The following ASB5 variants were observed in gnomAD, a reference collection of about 807,000 sequenced individuals.
ASB5 encodes the protein ankyrin repeat and SOCS box protein 5.
A neutral mutation model predicts 42.1 loss-of-function variants in ASB5; 45 were observed. That is an observed-to-expected ratio of 1.07 (90% CI 0.84 to 1.37). The LOEUF (loss-of-function observed/expected upper bound fraction) is 1.37. ASB5 is among the 40% of genes most tolerant of loss of function. The pLI, the probability that ASB5 is intolerant of heterozygous loss-of-function variation, is 0.00. For synonymous variants in ASB5, 147 were observed against 150.6 expected, an observed-to-expected ratio of 0.98 and a Z score of 0.18; for missense variants, 402 against 399.8, an observed-to-expected ratio of 1.01 and a Z score of -0.05.
At chr4:176,221,754 A>AAT (rs1753219688) in intron 3 of ASB5, among the ~76,000 whole-genome samples, 154 bp from the exon 4 acceptor site, 2 of 152,218 alleles carry the variant, frequency 1.3e-5, no homozygotes, top group African/African-American at 4.8e-5. Context: ...CTTATGCATT[A>AAT]ACAAGAAAAG....
In ASB5 at chr4:176,221,225, A is replaced by T. The variant is rs902594228; in HGVS notation, c.600T>A (p.His200Gln). ...WGIDVDQEIP[H>Q]LGTPLYVACM... ...AAGCTACATAGAGAGGAGTTCCCAA[A>T]TGAGGAATTTCTTGGTCAACATCTA... is the stretch of plus-strand genomic sequence containing the variant. Residue 200 changes from histidine (H) to glutamine (Q), a missense_variant, in exon 5 of 7, where the codon CAT (histidine) becomes CAA (glutamine). Coordinates refer to ENST00000296525, the MANE Select transcript of ASB5 (RefSeq NM_080874.4). 6.2e-7 allele frequency: 1 copy of T among 1,614,040 alleles called. No homozygotes were observed. The highest frequency in any genetic ancestry group is 1.3e-5 in the African/African-American group (1 of 74,926).
chr4:176,274,907 C>A (rs973505734), intron 2 of ASB5, among the ~76,000 whole-genome samples: 1 of 140,258 alleles, frequency 7.1e-6, no homozygotes, highest in Non-Finnish European at 1.5e-5. Flanking sequence ...TCCAGCATAG[C>A]AATTTTTTTT....
chr4:176,225,442 C>T, intron 1 of ASB5, 101 bp from the exon 2 acceptor site: 2 of 1,010,334 alleles, frequency 2.0e-6, no homozygotes, highest in Admixed American at 2.1e-5. Context: ...AAATTATTCA[C>T]ACTCAGTGTT....
At chr4:176,275,529 C>G (rs1320562058) in intron 2 of ASB5, among the ~76,000 whole-genome samples, 1 of 152,144 alleles carries the variant, frequency 6.6e-6, no homozygotes, top group Admixed American at 6.5e-5. Flanking sequence ...GTACATAGTT[C>G]ACCTTTCTCC....
chr4:176,224,436 C>T (rs1203684361), intron 2 of ASB5, among the ~76,000 whole-genome samples: 5 of 151,638 alleles, frequency 3.3e-5, no homozygotes, highest in African/African-American at 7.3e-5. Flanking sequence ...GGTTTCACCA[C>T]GTTGGCCAGG....
chr4:176,224,355 C>T (rs778745223), intron 2 of ASB5, among the ~76,000 whole-genome samples: 16 of 151,066 alleles, frequency 1.1e-4, no homozygotes, highest in Non-Finnish European at 2.1e-4. Context: ...CTGCCTCAGC[C>T]TCCCAAGTAG....
At chr4:176,257,011 G>A (rs1754169806) in intron 1 of ASB5, among the ~76,000 whole-genome samples, 1 of 152,206 alleles carries the variant, frequency 6.6e-6, no homozygotes, top group Non-Finnish European at 1.5e-5. Flanking sequence ...CCCTGAGCTA[G>A]CTGACTCAGT....
intron 1 of ASB5, among the ~76,000 whole-genome samples, chr4:176,260,050 G>C (rs1298039869): frequency 1.3e-5 from 2 of 152,202 alleles, no homozygotes; most frequent in African/African-American, 4.8e-5. Flanking sequence ...TTATCAGATG[G>C]TTAGGTTCTG....
At position 176,265,288 on chromosome 4, in the gene ASB5, C is replaced by T. The variant is rs184624072; in HGVS notation, c.196+3625G>A. On this transcript the variant is annotated intron_variant, in intron 1 of 6. Coordinates refer to ENST00000296525, the MANE Select transcript of ASB5 (RefSeq NM_080874.4). ...CCCATAAATCCATGCCTTGCTCATT[C>T]CTGGAGTCACCTCAAGCTCTGCCTC... Among the ~76,000 whole-genome samples, 293 of 152,268 alleles carry T rather than the reference C, an allele frequency of 1.9e-3. 3 individuals carry two copies. Among genetic ancestry groups the T allele is most frequent in the Non-Finnish European group, 1.4e-3 (96 of 68,016 alleles).
chr4:176,229,872 G>A (rs35106659), intron 1 of ASB5, among the ~76,000 whole-genome samples: 12,568 of 152,212 alleles, frequency 0.083, 559 homozygotes, highest in Middle Eastern at 0.12. Context: ...AGCTCTGCTC[G>A]CCTGCAAAGG....
intron 1 of ASB5, among the ~76,000 whole-genome samples, chr4:176,232,130 T>TATATA (rs1753564388): frequency 9.3e-6 from 1 of 107,946 alleles, no homozygotes; most frequent in African/African-American, 3.1e-5. Context: ...TATATATACT[T>TATATA]TTTTTTTTTG....
intron 1 of ASB5, among the ~76,000 whole-genome samples, chr4:176,246,978 T>C (rs973615237): frequency 2.6e-5 from 4 of 152,190 alleles, no homozygotes; most frequent in Non-Finnish European, 5.9e-5. Context: ...TTAGAATTAA[T>C]AAGAGAGCTT....
chr4:176,250,047 AGAGT>A (rs1484472325), intron 1 of ASB5, among the ~76,000 whole-genome samples: 1 of 146,696 alleles, frequency 6.8e-6, no homozygotes, highest in Non-Finnish European at 1.5e-5. Context: ...CCTGGGTGAC[AGAGT>A]GAGACTCCAT....
At chr4:176,253,923 C>A (rs1754095810) in intron 1 of ASB5, among the ~76,000 whole-genome samples, 2 of 152,082 alleles carry the variant, frequency 1.3e-5, no homozygotes, top group Non-Finnish European at 2.9e-5. Context: ...ATGATCCAAA[C>A]AAAAAAATTC....
rs1265925075 is a variant in ASB5 at position 176,215,524 on chromosome 4, T to A, written c.*76A>T. On this transcript the variant is annotated 3_prime_UTR_variant, in exon 7 of 7. Transcript: ENST00000296525. The stretch of plus-strand genomic sequence containing the variant: ...TCACTTTTATCCTATCTTTAGCATA[T>A]TTTTATATGAACTATTCCTTAAGCA... The A allele has an allele frequency of 4.8e-6, 7 of 1,456,622 alleles. No individual in the cohort carries two copies. Among genetic ancestry groups the A allele is most frequent in the Non-Finnish European group, 6.5e-6 (7 of 1,068,728 alleles). 90.2% of individuals were successfully genotyped at this position (1,456,622 alleles called of 1,614,324 possible). A position where few individuals can be genotyped will look rare whatever the true frequency, so the allele number is the denominator to read the frequency against.
At chr4:176,246,562 G>A (rs1753916705) in intron 1 of ASB5, among the ~76,000 whole-genome samples, 1 of 152,190 alleles carries the variant, frequency 6.6e-6, no homozygotes, top group South Asian at 2.1e-4. Flanking sequence ...TATTAAAGCT[G>A]AAACATGAAC....
intron 1 of ASB5, among the ~76,000 whole-genome samples, chr4:176,238,645 TTATC>T (rs1753746131): frequency 6.6e-6 from 1 of 152,180 alleles, no homozygotes; most frequent in Middle Eastern, 3.2e-3. Flanking sequence ...ACAGATTCTG[TTATC>T]TATCTTTTTT....
chr4:176,257,987 A>G (rs1326155797), intron 1 of ASB5, among the ~76,000 whole-genome samples: 1 of 152,184 alleles, frequency 6.6e-6, no homozygotes, highest in Non-Finnish European at 1.5e-5. Flanking sequence ...TCCTGGTATT[A>G]TATTATGTGC....
chr4:176,239,638 G>A (rs909461586), intron 1 of ASB5, among the ~76,000 whole-genome samples: 1 of 152,112 alleles, frequency 6.6e-6, no homozygotes, highest in South Asian at 2.1e-4. Context: ...TAAGCCGTGG[G>A]CACTAAAAGA....
Sources: gnomAD v4.1 joint callset for allele counts (sites outside exome capture counted in the v4.1 genomes callset) on GRCh38, gnomAD v4.1.1 for gene constraint, MANE v1.5 for transcripts, NCBI Gene and HGNC (gene_info 2026-07-23, HGNC 2026-07-21) for gene names.